TAB2: variants seen among roughly 807,000 people sequenced by gnomAD.
TAB2 encodes TGF-beta-activated kinase 1 and MAP3K7-binding protein 2.
In TAB2, 3 loss-of-function variants were observed where a neutral mutation model predicts 65.0. The observed-to-expected ratio is 0.05, with a 90% CI of 0.02 to 0.12. The LOEUF (loss-of-function observed/expected upper bound fraction) is 0.12, where lower values mean the gene tolerates loss of function less well. TAB2 is among the 10% of genes least tolerant of loss of function. TAB2 has a pLI of 1.00. For synonymous variants in TAB2, 298 were observed against 285.1 expected, an observed-to-expected ratio of 1.05 and a Z score of -0.46; for missense variants, 623 against 840.3, an observed-to-expected ratio of 0.74 and a Z score of 3.20.
At chr6:149,357,967 C>T (rs2114824655) in intron 1 of TAB2, among the ~76,000 whole-genome samples, 1 of 152,304 alleles carries the variant, frequency 6.6e-6, no homozygotes, top group South Asian at 2.1e-4. Context: ...TCCCAAAGTG[C>T]CAGGATTACA....
intron 1 of TAB2, chr6:149,243,744 A>C (rs1193585122): frequency 6.6e-6 from 1 of 152,240 alleles, no homozygotes; most frequent in Non-Finnish European, 1.5e-5. Context: ...AATGCAACCC[A>C]TCATCAAAGG....
At chr6:149,392,563 G>T (rs1022863828) in intron 3 of TAB2, among the ~76,000 whole-genome samples, 3 of 152,144 alleles carry the variant, frequency 2.0e-5, no homozygotes, top group African/African-American at 7.2e-5. Flanking sequence ...CAAAGTCAAG[G>T]TTTCTGCAGG....
chr6:149,332,504 T>G (rs1779814321), intron 1 of TAB2, among the ~76,000 whole-genome samples: 1 of 152,186 alleles, frequency 6.6e-6, no homozygotes, highest in South Asian at 2.1e-4. Flanking sequence ...TGGGGATGGA[T>G]ATTTAATATG....
intron 1 of TAB2, among the ~76,000 whole-genome samples, chr6:149,345,775 T>C (rs1039944226): frequency 2.0e-5 from 3 of 152,226 alleles, no homozygotes; most frequent in East Asian, 3.8e-4. Flanking sequence ...ATAATGCATC[T>C]TTTGTGTGTC....
chr6:149,230,853 A>G (rs533287752), intron 1 of TAB2, among the ~76,000 whole-genome samples: 1 of 152,334 alleles, frequency 6.6e-6, no homozygotes, highest in South Asian at 2.1e-4. Flanking sequence ...AAATTACAGT[A>G]AGTATTTTTC....
At chr6:149,400,893 C>T in intron 6 of TAB2, 2 of 570,492 alleles carry the variant, frequency 3.5e-6, no homozygotes, top group Non-Finnish European at 6.2e-6. Context: ...TCAAACCAAA[C>T]AGCCAATGGT....
intron 1 of TAB2, among the ~76,000 whole-genome samples, chr6:149,339,681 C>T (rs1365258224): frequency 6.6e-6 from 1 of 150,972 alleles, no homozygotes; most frequent in African/African-American, 2.4e-5. Context: ...CCACTGCAAC[C>T]TCCACCTCCC....
chr6:149,219,127 A>C (rs2114618214), intron 1 of TAB2, among the ~76,000 whole-genome samples: 1 of 152,328 alleles, frequency 6.6e-6, no homozygotes, highest in South Asian at 2.1e-4. Context: ...GTTCAGTGAC[A>C]ACCAGATAGT....
chr6:149,355,832 C>T (rs1224413450), intron 1 of TAB2, among the ~76,000 whole-genome samples: 2 of 152,014 alleles, frequency 1.3e-5, no homozygotes, highest in African/African-American at 4.8e-5. Context: ...GGATCATGCC[C>T]AACTAAATTT....
chr6:149,407,470 AT>A (rs1782703233), intron 6 of TAB2, among the ~76,000 whole-genome samples: 1 of 152,148 alleles, frequency 6.6e-6, no homozygotes, highest in Non-Finnish European at 1.5e-5. Context: ...CTACTTTTAT[AT>A]ATGTTTGAAA....
chr6:149,308,762 A>G (rs927686361), intron 1 of TAB2, among the ~76,000 whole-genome samples: 2 of 152,098 alleles, frequency 1.3e-5, no homozygotes, highest in Non-Finnish European at 2.9e-5. Flanking sequence ...TCCTGACATC[A>G]TGATTCGTCC....
intron 2 of TAB2, among the ~76,000 whole-genome samples, chr6:149,375,631 G>A (rs1781373370): frequency 6.6e-6 from 1 of 151,872 alleles, no homozygotes; most frequent in African/African-American, 2.4e-5. Context: ...GAGGTGAGAG[G>A]AAGATAAACT....
chr6:149,391,854 C>G (rs1318593466), intron 3 of TAB2, among the ~76,000 whole-genome samples: 1 of 152,056 alleles, frequency 6.6e-6, no homozygotes, highest in African/African-American at 2.4e-5. Flanking sequence ...CCTTGTCTTT[C>G]CATTCTACAT....
At chr6:149,328,972 A>T (rs1779701236) in intron 1 of TAB2, among the ~76,000 whole-genome samples, 1 of 152,176 alleles carries the variant, frequency 6.6e-6, no homozygotes, top group Non-Finnish European at 1.5e-5. Context: ...GAGAAACACC[A>T]TGCATGAAAG....
intron 1 of TAB2, among the ~76,000 whole-genome samples, chr6:149,249,486 CTCTGTCTCTT>C (rs1777813867): frequency 6.6e-6 from 1 of 151,890 alleles, no homozygotes; most frequent in South Asian, 2.1e-4. Context: ...CTCTGTCTCT[CTCTGTCTCTT>C]TCTCTCTATC....
At chr6:149,268,714 C>T (rs1284503850) in intron 1 of TAB2, among the ~76,000 whole-genome samples, 1 of 152,204 alleles carries the variant, frequency 6.6e-6, no homozygotes, top group Non-Finnish European at 1.5e-5. Flanking sequence ...GAGAATTTCT[C>T]GACACTTGCT....
intron 2 of TAB2, among the ~76,000 whole-genome samples, chr6:149,372,931 C>T (rs1271346140): frequency 6.6e-6 from 1 of 152,200 alleles, no homozygotes. Flanking sequence ...ATCCTTCCTG[C>T]AGTATACTGG....
chr6:149,381,275 G>A (rs1175249030), intron 3 of TAB2, among the ~76,000 whole-genome samples: 1 of 152,094 alleles, frequency 6.6e-6, no homozygotes, highest in Non-Finnish European at 1.5e-5. Context: ...TTTTTGTTTA[G>A]TTTCAGCAGT....
intron 1 of TAB2, among the ~76,000 whole-genome samples, chr6:149,282,663 A>G (rs1027069751): frequency 2.6e-5 from 4 of 152,232 alleles, no homozygotes; most frequent in African/African-American, 9.6e-5. Context: ...AAAGGAAGAG[A>G]TGTGTGATTA....
Sources: allele counts gnomAD v4.1 joint callset (sites outside exome capture counted in the v4.1 genomes callset), GRCh38; gene constraint gnomAD v4.1.1; transcripts MANE v1.5; gene names NCBI Gene and HGNC (gene_info 2026-07-23, HGNC 2026-07-21).